The following AFG2A variants were observed in gnomAD, a reference collection of about 807,000 sequenced individuals.
AFG2A encodes the protein ATPase family gene 2 protein homolog A.
the AFG2A span, among the ~76,000 whole-genome samples, chr4:123,024,692 T>C: frequency 6.6e-6 from 1 of 152,246 alleles, no homozygotes; most frequent in Non-Finnish European, 1.5e-5. Context: ...GGGCAAGACC[T>C]CTGGAACATC....
chr4:123,229,208 A>T, the AFG2A span, among the ~76,000 whole-genome samples: 1 of 151,996 alleles, frequency 6.6e-6, no homozygotes, highest in East Asian at 1.9e-4. Flanking sequence ...CATTGGAGGG[A>T]AAAAGCTAAC....
chr4:123,090,968 AGC>A, the AFG2A span, among the ~76,000 whole-genome samples: 4 of 152,242 alleles, frequency 2.6e-5, no homozygotes, highest in African/African-American at 9.6e-5. Flanking sequence ...ATTCATTGCA[AGC>A]TAGTCTCTCA....
At chr4:123,180,450 CTGA>C in the AFG2A span, among the ~76,000 whole-genome samples, 1 of 152,090 alleles carries the variant, frequency 6.6e-6, no homozygotes, top group Non-Finnish European at 1.5e-5. Flanking sequence ...ATCTAAATCC[CTGA>C]TGTTTCTAGT....
At chr4:122,950,340 AT>A in the AFG2A span, among the ~76,000 whole-genome samples, 117 of 142,800 alleles carry the variant, frequency 8.2e-4, 1 homozygote, top group African/African-American at 7.8e-4. Flanking sequence ...GTCATTGTTA[AT>A]TTTTTTTTTT....
chr4:123,026,671 T>C, the AFG2A span, among the ~76,000 whole-genome samples: 1 of 152,216 alleles, frequency 6.6e-6, no homozygotes, highest in South Asian at 2.1e-4. Flanking sequence ...TGTGAGACCT[T>C]ACGTGCTCTA....
chr4:123,275,214 T>C, the AFG2A span, among the ~76,000 whole-genome samples: 6 of 152,124 alleles, frequency 3.9e-5, no homozygotes, highest in African/African-American at 1.4e-4. Context: ...GCATTCACTT[T>C]TCTGGTAAAT....
At chr4:122,966,725 T>C in the AFG2A span, among the ~76,000 whole-genome samples, 1 of 152,226 alleles carries the variant, frequency 6.6e-6, no homozygotes, top group Non-Finnish European at 1.5e-5. Flanking sequence ...TGACGTGTTT[T>C]TGTGCCACTT....
chr4:122,937,155 C>T, the AFG2A span, among the ~76,000 whole-genome samples: 176 of 152,134 alleles, frequency 1.2e-3, no homozygotes, highest in African/African-American at 4.1e-3. Context: ...CAAAAACAAA[C>T]AAACAAGCAA....
chr4:123,120,571 A>G, the AFG2A span, among the ~76,000 whole-genome samples: 4 of 152,310 alleles, frequency 2.6e-5, no homozygotes, highest in South Asian at 6.2e-4. Context: ...AGACACAGTC[A>G]TGTGCTGCGT....
the AFG2A span, among the ~76,000 whole-genome samples, chr4:123,095,291 G>C: frequency 2.6e-5 from 4 of 151,808 alleles, no homozygotes; most frequent in African/African-American, 9.7e-5. Flanking sequence ...TGTGGAACAT[G>C]AATTTTTTTT....
the AFG2A span, among the ~76,000 whole-genome samples, chr4:123,135,158 T>G: frequency 0.05 from 7,662 of 152,162 alleles, 614 homozygotes; most frequent in African/African-American, 0.17. Context: ...GGACAAAAAC[T>G]ACATGATCAT....
the AFG2A span, among the ~76,000 whole-genome samples, chr4:123,294,618 T>C: frequency 6.6e-6 from 1 of 152,142 alleles, no homozygotes. Context: ...GTATAGTGTA[T>C]CACTGAAACA....
At chr4:123,143,601 G>C in the AFG2A span, among the ~76,000 whole-genome samples, 1 of 151,916 alleles carries the variant, frequency 6.6e-6, no homozygotes, top group Non-Finnish European at 1.5e-5. Context: ...TTTAAAGAAG[G>C]CATGACTTAA....
At chr4:122,951,541 CA>C in the AFG2A span, among the ~76,000 whole-genome samples, 1 of 152,028 alleles carries the variant, frequency 6.6e-6, no homozygotes, top group Non-Finnish European at 1.5e-5. Context: ...CTGTGGAAAT[CA>C]GGGAGAAATG....
chr4:122,992,944 T>G, the AFG2A span, among the ~76,000 whole-genome samples: 1 of 103,764 alleles, frequency 9.6e-6, no homozygotes, highest in East Asian at 3.4e-4. Context: ...TTTGTTATAG[T>G]TCCTGTAAGA....
At chr4:122,929,312 TAGAG>T in the AFG2A span, 19 of 1,236,684 alleles carry the variant, frequency 1.5e-5, no homozygotes, top group Non-Finnish European at 2.0e-5. Context: ...TTTTAAAAAG[TAGAG>T]AGAAACAGGT....
the AFG2A span, chr4:122,934,692 A>C: frequency 4.4e-6 from 7 of 1,599,674 alleles, no homozygotes; most frequent in East Asian, 1.6e-4. Flanking sequence ...CAATTAGAGA[A>C]ATAATTGAAT....
the AFG2A span, among the ~76,000 whole-genome samples, chr4:123,149,131 A>G: frequency 6.6e-6 from 1 of 152,194 alleles, no homozygotes; most frequent in Non-Finnish European, 1.5e-5. Flanking sequence ...CAGAGATGGC[A>G]CTTATACTTA....
the AFG2A span, among the ~76,000 whole-genome samples, chr4:123,305,274 G>C: frequency 6.6e-6 from 1 of 152,250 alleles, no homozygotes; most frequent in East Asian, 1.9e-4. Context: ...TAAGAATGTA[G>C]TGGGGAAGGT....
Sources: allele counts gnomAD v4.1 joint callset (sites outside exome capture counted in the v4.1 genomes callset), GRCh38; gene constraint gnomAD v4.1.1; transcripts MANE v1.5; gene names NCBI Gene and HGNC (gene_info 2026-07-23, HGNC 2026-07-21).